Variants in ABI3BP observed in about 807,000 individuals in gnomAD.
The protein encoded by ABI3BP is target of Nesh-SH3.
ABI3BP carries 216 observed loss-of-function variants against 268.6 expected under a neutral mutation model. The observed-to-expected ratio is 0.80, with a 90% CI of 0.72 to 0.90. ABI3BP has a LOEUF of 0.90. Ranked by LOEUF, ABI3BP falls within the 40% of genes least tolerant of loss-of-function variation. ABI3BP has a pLI of 0.00. For synonymous variants in ABI3BP, 730 were observed against 730.0 expected, an observed-to-expected ratio of 1.00 and a Z score of 0.00; for missense variants, 2,090 against 2,182.4, an observed-to-expected ratio of 0.96 and a Z score of 0.84.
At chr3:100,809,104 A>G (rs968267128) in intron 49 of ABI3BP, among the ~76,000 whole-genome samples, 2 of 152,072 alleles carry the variant, frequency 1.3e-5, no homozygotes, top group African/African-American at 2.4e-5. Context: ...TACAAGGTAT[A>G]CAATGGTTTC....
At chr3:100,910,811 T>A (rs771575188) in intron 2 of ABI3BP, among the ~76,000 whole-genome samples, 9 of 152,314 alleles carry the variant, frequency 5.9e-5, no homozygotes, top group Non-Finnish European at 1.2e-4. Context: ...CTAAGACTTA[T>A]CTGTGGATTA....
intron 2 of ABI3BP, among the ~76,000 whole-genome samples, chr3:100,913,802 T>C (rs2057623182): frequency 6.6e-6 from 1 of 152,166 alleles, no homozygotes; most frequent in South Asian, 2.1e-4. Flanking sequence ...TCCTCCACCT[T>C]TTAGAGTATT....
intron 31 of ABI3BP, among the ~76,000 whole-genome samples, chr3:100,831,646 G>A (rs2098496382): frequency 3.3e-5 from 5 of 152,004 alleles, no homozygotes; most frequent in Admixed American, 2.0e-4. Context: ...GGGTATCAAC[G>A]AGTTATCCTC....
intron 4 of ABI3BP, among the ~76,000 whole-genome samples, chr3:100,890,535 T>A (rs2044091051): frequency 6.6e-6 from 1 of 152,168 alleles, no homozygotes. Flanking sequence ...GTCTAAAAGT[T>A]GTTTAGATAT....
intron 49 of ABI3BP, among the ~76,000 whole-genome samples, chr3:100,808,493 A>C (rs1032914747): frequency 3.9e-5 from 6 of 152,084 alleles, no homozygotes; most frequent in African/African-American, 1.2e-4. Context: ...GACATCAAAT[A>C]CCTTCTAAAT....
chr3:100,965,590 T>C (rs1356488071), intron 1 of ABI3BP, among the ~76,000 whole-genome samples: 1 of 152,158 alleles, frequency 6.6e-6, no homozygotes, highest in Non-Finnish European at 1.5e-5. Flanking sequence ...ACATCATTAA[T>C]TTAAAATAAA....
chr3:100,864,461 T>C, intron 11 of ABI3BP: 1 of 324,566 alleles, frequency 3.1e-6, no homozygotes, highest in African/African-American at 2.1e-5. Context: ...GCACAAGACT[T>C]CCCAAAGCCA....
chr3:100,895,007 G>A (rs1298358690), intron 4 of ABI3BP, among the ~76,000 whole-genome samples: 1 of 131,580 alleles, frequency 7.6e-6, no homozygotes, highest in Non-Finnish European at 1.6e-5. Flanking sequence ...TAGAAAATGC[G>A]AAAGTGATTT....
chr3:100,903,945 C>A (rs958041908), intron 2 of ABI3BP, among the ~76,000 whole-genome samples: 1 of 152,180 alleles, frequency 6.6e-6, no homozygotes, highest in Non-Finnish European at 1.5e-5. Context: ...CTGTTCCAGT[C>A]TCGTGTGTTT....
At chr3:100,916,631 C>T (rs2058695394) in intron 2 of ABI3BP, among the ~76,000 whole-genome samples, 1 of 152,180 alleles carries the variant, frequency 6.6e-6, no homozygotes, top group Non-Finnish European at 1.5e-5. Context: ...TAGCCCAGCA[C>T]ATTGTAAGTG....
Position 100,839,567 on chromosome 3 carries a change from A to T in ABI3BP, c.1945+2T>A. On this transcript the variant is annotated splice_donor_variant, in intron 24 of 67. Transcript: ENST00000471714. LOFTEE classifies it high-confidence loss of function. Reference sequence around the variant, plus strand: ...CAGCCGTGGTGGAGGGAGTAGAATTACCAGTTGTGGGCACCAAGGGCTCCG... The same window carrying T: ...CAGCCGTGGTGGAGGGAGTAGAATTTCCAGTTGTGGGCACCAAGGGCTCCG... 1 of 1,535,836 alleles carries T rather than the reference A, an allele frequency of 6.5e-7. No homozygotes were observed.
At chr3:100,854,510 C>T (rs1282330484) in intron 14 of ABI3BP, among the ~76,000 whole-genome samples, 1 of 152,168 alleles carries the variant, frequency 6.6e-6, no homozygotes, top group Non-Finnish European at 1.5e-5. Context: ...AATTGTTAGG[C>T]CTGGTTTCTA....
At chr3:100,763,276 C>T (rs1230325796) in intron 63 of ABI3BP, among the ~76,000 whole-genome samples, 8 of 151,884 alleles carry the variant, frequency 5.3e-5, no homozygotes, top group Admixed American at 6.6e-5. Context: ...GCCTAGCCAA[C>T]GTGGAGAAAC....
rs563362725 is a variant in ABI3BP, at chr3:100,827,211, G to A, written c.2602+1182C>T. Among the ~76,000 whole-genome samples the A allele has an allele frequency of 6.6e-5, 10 of 152,096 alleles. No homozygotes were observed. The East Asian group carries it at 7.7e-4, about 12-fold the overall frequency. On this transcript the variant is annotated intron_variant, in intron 34 of 67. Transcript: ENST00000471714. ...CTTATTCTCATTCTCTAGGCTTTTC[G>A]CGTGGGAAGTTTTTGTGTTCAACTA...
At chr3:100,983,766 T>C (rs1468873543) in intron 1 of ABI3BP, among the ~76,000 whole-genome samples, 2 of 152,208 alleles carry the variant, frequency 1.3e-5, no homozygotes, top group East Asian at 1.9e-4. Flanking sequence ...AATGAATAAA[T>C]GTAAGTCCAT....
chr3:100,793,462 A>G (rs1034832169), intron 54 of ABI3BP, among the ~76,000 whole-genome samples: 5 of 152,022 alleles, frequency 3.3e-5, no homozygotes, highest in African/African-American at 7.2e-5. Context: ...CAAGAAATAC[A>G]CTTGTGATAA....
At chr3:100,985,699 A>G (rs1015107625) in intron 1 of ABI3BP, among the ~76,000 whole-genome samples, 5 of 152,204 alleles carry the variant, frequency 3.3e-5, no homozygotes, top group African/African-American at 1.2e-4. Context: ...AACAAGGTCC[A>G]TATTGGGTGC....
chr3:100,864,721 A>C, intron 11 of ABI3BP, 112 bp downstream of exon 11: 1 of 733,632 alleles, frequency 1.4e-6, no homozygotes, highest in South Asian at 1.8e-5. Context: ...GAAAAGGAGA[A>C]AGTGGGGAGG....
At chr3:100,778,567 C>T (rs1404963995) in intron 58 of ABI3BP, 191 bp from the exon 59 acceptor site, 2 of 603,524 alleles carry the variant, frequency 3.3e-6, no homozygotes, top group African/African-American at 3.7e-5. Context: ...GGTAATGTCC[C>T]CAGGGACAAC....
Sources: gnomAD v4.1 joint callset for allele counts (sites outside exome capture counted in the v4.1 genomes callset) on GRCh38, gnomAD v4.1.1 for gene constraint, MANE v1.5 for transcripts, NCBI Gene and HGNC (gene_info 2026-07-23, HGNC 2026-07-21) for gene names.